MALRD1: variants seen among roughly 807,000 people sequenced by gnomAD.
MALRD1 encodes the protein MAM and LDL-receptor class A domain-containing protein 1.
In MALRD1, 247 loss-of-function variants were observed where a neutral mutation model predicts 242.1. That is an observed-to-expected ratio of 1.02 (90% confidence interval 0.92 to 1.13). MALRD1 has a LOEUF of 1.13. Among genes scored for constraint, MALRD1 ranks in the 50% most tolerant of loss-of-function variants. MALRD1 has a pLI of 0.00. For missense variants in MALRD1, 2,989 were observed against 2,533.1 expected, an observed-to-expected ratio of 1.18 and a Z score of -3.86; for synonymous variants, 995 against 866.6, an observed-to-expected ratio of 1.15 and a Z score of -2.60.
intron 14 of MALRD1, among the ~76,000 whole-genome samples, chr10:19,184,649 A>G (rs1368596596): frequency 1.3e-5 from 2 of 152,080 alleles, no homozygotes; most frequent in Non-Finnish European, 2.9e-5. Context: ...CCCGGATTCA[A>G]GTGATTCTCC....
chr10:19,224,657 A>G (rs1459846931), intron 18 of MALRD1, among the ~76,000 whole-genome samples: 1 of 152,072 alleles, frequency 6.6e-6, no homozygotes, highest in Non-Finnish European at 1.5e-5. Flanking sequence ...GTGTCTGTTC[A>G]TATCCTTTTC....
intron 29 of MALRD1, among the ~76,000 whole-genome samples, chr10:19,476,695 C>G (rs1836750704): frequency 6.6e-6 from 1 of 152,142 alleles, no homozygotes; most frequent in Admixed American, 6.6e-5. Context: ...TCATCTCGAA[C>G]CAGGATATAC....
chr10:19,114,902 C>G (rs1005841899), intron 5 of MALRD1, among the ~76,000 whole-genome samples: 4 of 152,158 alleles, frequency 2.6e-5, no homozygotes, highest in Non-Finnish European at 4.4e-5. Context: ...CATGGTCATT[C>G]TATACCTGAC....
intron 18 of MALRD1, among the ~76,000 whole-genome samples, chr10:19,222,704 CTTGT>C (rs1837614946): frequency 6.6e-6 from 1 of 152,134 alleles, no homozygotes; most frequent in Non-Finnish European, 1.5e-5. Flanking sequence ...CTGATCCAGA[CTTGT>C]TTGAATCATG....
At chr10:19,650,582 G>A (rs1244195936) in intron 36 of MALRD1, among the ~76,000 whole-genome samples, 1 of 152,082 alleles carries the variant, frequency 6.6e-6, no homozygotes, top group South Asian at 2.1e-4. Context: ...TAGAGTAAGA[G>A]ACATAATAAT....
At chr10:19,586,532 C>G (rs1173515348) in intron 33 of MALRD1, among the ~76,000 whole-genome samples, 1 of 152,188 alleles carries the variant, frequency 6.6e-6, no homozygotes, top group Non-Finnish European at 1.5e-5. Flanking sequence ...CCCAGTTAGG[C>G]TGCTCAGGGG....
intron 36 of MALRD1, among the ~76,000 whole-genome samples, chr10:19,681,858 CT>C (rs56244200): frequency 0.88 from 97,551 of 111,066 alleles, 42,680 homozygotes; most frequent in East Asian, 0.93. Flanking sequence ...GGGAATGTCA[CT>C]TTTTTTTTTT....
rs1039413313 is a variant in MALRD1 at position 19,501,284 on chromosome 10, T to C, written c.5320+2638T>C. On this transcript the variant is annotated intron_variant, in intron 31 of 39. Coordinates refer to ENST00000454679, the MANE Select transcript of MALRD1 (RefSeq NM_001142308.3). ...GGGTTTGACCTGTGCATTTGTAAGA[T>C]GTTTAGCAGCACTTGAGGCCTCTGC... Among the ~76,000 whole-genome samples, 7 of 152,302 alleles carry C rather than the reference T, an allele frequency of 4.6e-5. No homozygotes were observed. The South Asian group carries it at 1.5e-3, about 32-fold the overall frequency.
intron 38 of MALRD1, among the ~76,000 whole-genome samples, chr10:19,703,103 A>T (rs1049009992): frequency 6.6e-6 from 1 of 152,202 alleles, no homozygotes; most frequent in African/African-American, 2.4e-5. Flanking sequence ...AGGGGAAAAA[A>T]AGCAACTCAA....
intron 24 of MALRD1, among the ~76,000 whole-genome samples, chr10:19,342,885 G>T (rs138742056): frequency 7.2e-5 from 11 of 152,000 alleles, no homozygotes; most frequent in Non-Finnish European, 1.5e-4. Context: ...ATATTTTCCA[G>T]ATTATAAAAT....
chr10:19,429,676 C>T (rs1171470561), intron 28 of MALRD1, among the ~76,000 whole-genome samples: 3 of 152,132 alleles, frequency 2.0e-5, no homozygotes, highest in Admixed American at 6.5e-5. Flanking sequence ...ATATTCTCAG[C>T]CCTATCCTAG....
intron 2 of MALRD1, among the ~76,000 whole-genome samples, chr10:19,067,740 A>G (rs189337335): frequency 6.6e-5 from 10 of 152,206 alleles, no homozygotes; most frequent in Non-Finnish European, 1.5e-4. Flanking sequence ...TAATGATGCT[A>G]AATTTTTAGG....
intron 29 of MALRD1, among the ~76,000 whole-genome samples, chr10:19,458,523 A>G (rs1835777238): frequency 6.6e-6 from 1 of 152,094 alleles, no homozygotes; most frequent in South Asian, 2.1e-4. Flanking sequence ...TTTGTCATTG[A>G]TTTATAAACA....
intron 14 of MALRD1, among the ~76,000 whole-genome samples, chr10:19,195,057 C>T (rs996332667): frequency 6.6e-6 from 1 of 152,162 alleles, no homozygotes; most frequent in African/African-American, 2.4e-5. Flanking sequence ...GATGTGGAAT[C>T]ATCCTTTTGT....
chr10:19,152,620 G>T (rs966773180), intron 11 of MALRD1, among the ~76,000 whole-genome samples: 2 of 151,874 alleles, frequency 1.3e-5, no homozygotes, highest in Admixed American at 6.6e-5. Context: ...TGCTGTTTAT[G>T]TATCTGGAAA....
At chr10:19,266,482 C>G (rs963198800) in intron 19 of MALRD1, among the ~76,000 whole-genome samples, 3 of 151,752 alleles carry the variant, frequency 2.0e-5, no homozygotes, top group Non-Finnish European at 2.9e-5. Flanking sequence ...TAATTCCATA[C>G]AAAAATCCTA....
At chr10:19,153,972 T>C (rs1391206706) in intron 11 of MALRD1, among the ~76,000 whole-genome samples, 1 of 152,156 alleles carries the variant, frequency 6.6e-6, no homozygotes, top group Non-Finnish European at 1.5e-5. Flanking sequence ...TTAAAAATAT[T>C]CATTTGAATT....
chr10:19,317,673 A>G (rs1040297768), intron 21 of MALRD1, among the ~76,000 whole-genome samples: 2 of 152,042 alleles, frequency 1.3e-5, no homozygotes, highest in Admixed American at 6.6e-5. Flanking sequence ...GATTTGCTCA[A>G]GAATGGGTAT....
intron 28 of MALRD1, among the ~76,000 whole-genome samples, chr10:19,444,435 A>G (rs1209006323): frequency 6.6e-6 from 1 of 152,190 alleles, no homozygotes; most frequent in Non-Finnish European, 1.5e-5. Context: ...ATGTTTTTGC[A>G]GTGCCTGGTA....
Sources: gnomAD v4.1 joint callset for allele counts (sites outside exome capture counted in the v4.1 genomes callset) on GRCh38, gnomAD v4.1.1 for gene constraint, MANE v1.5 for transcripts, NCBI Gene and HGNC (gene_info 2026-07-23, HGNC 2026-07-21) for gene names.